Variants in SLC12A7 observed in about 807,000 individuals in gnomAD.
The protein encoded by SLC12A7 is solute carrier family 12 member 7, also known as K-Cl cotransporter 4.
A neutral mutation model predicts 120.6 loss-of-function variants in SLC12A7; 100 were observed. The ratio of observed to expected loss-of-function variants is 0.83; its 90% confidence interval spans 0.71 to 0.98. SLC12A7 has a LOEUF of 0.98. SLC12A7 is among the 50% of genes least tolerant of loss of function. SLC12A7 has a pLI of 0.00. For synonymous variants in SLC12A7, 760 were observed against 678.0 expected (o/e 1.12, Z -1.88); for missense variants, 1,373 against 1,548.1 (o/e 0.89, Z 1.90).
the SLC12A7 span, among the ~76,000 whole-genome samples, chr5:1,120,793 G>A: frequency 3.9e-3 from 598 of 152,234 alleles, 6 homozygotes; most frequent in African/African-American, 0.014. Context: ...TCGGCATGAT[G>A]CTGTCTACGT....
chr5:1,095,967 C>T (rs992251280), intron 1 of SLC12A7, among the ~76,000 whole-genome samples: 2 of 152,148 alleles, frequency 1.3e-5, no homozygotes, highest in Admixed American at 6.5e-5. Flanking sequence ...AGCAGCGGCC[C>T]CACCCCTCAA....
chr5:1,093,789 G>C, intron 2 of SLC12A7, 134 bp from the exon 3 acceptor site: 1 of 1,340,470 alleles, frequency 7.5e-7, no homozygotes, highest in Non-Finnish European at 1.0e-6. Flanking sequence ...AAGCCAGAGA[G>C]GCCTGGACAC....
rs771075055 is a variant in SLC12A7, at chr5:1,075,374, C to T, written c.1964G>A (p.Arg655His). ...AGCIYKYIEY[R>H]GAEKEWGDGI... ...AAGGGGGGCTGACAGCGCTTACCCG[C>T]GGTACTCGATGTACTTGTAGATGCA... Residue 655 changes from arginine to histidine, a missense_variant, in exon 15 of 24, where the codon CGC (arginine) becomes CAC (histidine). Arg to His is a conservative substitution (Grantham distance 29). Coordinates refer to ENST00000264930, the MANE Select transcript of SLC12A7 (RefSeq NM_006598.3). 5.0e-6 allele frequency: 8 copies of T among 1,610,636 alleles called. No individual in the cohort carries two copies. The highest frequency in any genetic ancestry group is 3.3e-4 in the Middle Eastern group (2 of 6,054).
chr5:1,073,508 G>A, intron 17 of SLC12A7, 125 bp downstream of exon 17: 1 of 1,117,864 alleles, frequency 8.9e-7, no homozygotes, highest in Non-Finnish European at 1.2e-6. Flanking sequence ...CACCGCCACG[G>A]CTAAAACACA....
rs1458496143 is a variant in SLC12A7, at chr5:1,093,524, T to C, written c.342+9A>G. The stretch of plus-strand genomic sequence containing the variant: ...GGGGACTGGGCGGGCACGGGCAGGG[T>C]GGCAGTACCTTGGCCTCCCGCCGCC... On this transcript the variant is annotated intron_variant, in intron 3 of 23. Transcript: ENST00000264930. The C allele has an allele frequency of 7.6e-7, 1 of 1,312,226 alleles. No homozygotes were observed. The highest frequency in any genetic ancestry group is 2.6e-5 in the East Asian group (1 of 37,838). 81.3% of individuals were successfully genotyped at this position (1,312,226 alleles called of 1,614,324 possible). A position where few individuals can be genotyped will look rare whatever the true frequency, so the allele number is the denominator to read the frequency against.
In SLC12A7 at chr5:1,074,681, A is replaced by G. The variant is rs754949950; in HGVS notation, c.1968-10T>C. ...CCACTCCTTCTCGGCCCTGTGGGAAAGGAAGTCGGGGTTTGTCCAGCCGCG... is the reference window on the plus strand; with the variant it reads ...CCACTCCTTCTCGGCCCTGTGGGAAGGGAAGTCGGGGTTTGTCCAGCCGCG... On this transcript the variant is annotated splice_polypyrimidine_tract_variant and intron_variant, in intron 15 of 23. Transcript: ENST00000264930. 3.1e-6 allele frequency: 5 copies of G among 1,611,758 alleles called. No homozygotes were observed. The African/African-American group carries it at 5.3e-5, about 17-fold the overall frequency.
the SLC12A7 span, among the ~76,000 whole-genome samples, chr5:1,143,151 G>A: frequency 6.6e-6 from 1 of 152,322 alleles, no homozygotes; most frequent in South Asian, 2.1e-4. Context: ...GCAGCTCAAG[G>A]ATCACCTGCG....
Position 1,085,387 on chromosome 5 carries a change from G to A in SLC12A7, c.762C>T (p.Tyr254=), listed in dbSNP as rs115061051. 4.1e-3 allele frequency: 6,629 copies of A among 1,611,690 alleles called. 31 individuals are homozygous for A. The highest frequency in any genetic ancestry group is 4.4e-3 in the Non-Finnish European group (5,191 of 1,179,512). ...AAAMLHNMRV[Y]GTCTLVLMAL... ...CCATGAGCACGAGCGTGCACGTGCC[G>A]TACACACGCATGTTGTGCAGCATGG... Residue 254 remains tyrosine, a synonymous_variant, in exon 7 of 24, where the codon TAC becomes TAT. Transcript: ENST00000264930.
At chr5:1,106,641 C>T (rs1165449194) in intron 1 of SLC12A7, among the ~76,000 whole-genome samples, 2 of 152,122 alleles carry the variant, frequency 1.3e-5, no homozygotes, top group African/African-American at 2.4e-5. Context: ...AGCGGTGCCA[C>T]GTCGGGATGT....
chr5:1,092,627 C>T (rs1291510938), intron 3 of SLC12A7, among the ~76,000 whole-genome samples: 1 of 152,132 alleles, frequency 6.6e-6, no homozygotes, highest in Non-Finnish European at 1.5e-5. Flanking sequence ...GGCACAGGCT[C>T]GGGGCTGACT....
chr5:1,057,622 C>A lies in SLC12A7; in HGVS notation c.2875G>T (p.Ala959Ser). The A allele has an allele frequency of 6.2e-7, 1 of 1,603,324 alleles. No individual in the cohort carries two copies. The highest frequency in any genetic ancestry group is 8.5e-7 in the Non-Finnish European group (1 of 1,179,530). The change falls in exon 22 of 24, where the codon GCG (alanine) becomes TCG (serine). Residue 959 changes from alanine to serine, a missense_variant. Coordinates refer to ENST00000264930, the MANE Select transcript of SLC12A7 (RefSeq NM_006598.3). ...CTGGCTGCCGCCGCGGTGTGGGACGCGGTGTTCCTGTCGTGGATCAGCTGG... is the reference window on the plus strand; with the variant it reads ...CTGGCTGCCGCCGCGGTGTGGGACGAGGTGTTCCTGTCGTGGATCAGCTGG... ...EAQLIHDRNTASHTAAAARTQ... is the reference protein window; with the variant it reads ...EAQLIHDRNTSSHTAAAARTQ...
At chr5:1,079,940 C>T (rs1738818931) in intron 9 of SLC12A7, among the ~76,000 whole-genome samples, 1 of 152,244 alleles carries the variant, frequency 6.6e-6, no homozygotes, top group Non-Finnish European at 1.5e-5. Context: ...CGCTGTGGCA[C>T]CACCTTGCTC....
chr5:1,061,666 C>T (rs1736299605), intron 20 of SLC12A7, among the ~76,000 whole-genome samples: 1 of 152,210 alleles, frequency 6.6e-6, no homozygotes, highest in African/African-American at 2.4e-5. Context: ...AACAGCACAC[C>T]AGATCAGGTG....
At chr5:1,078,325 C>T (rs1344608661) in intron 11 of SLC12A7, among the ~76,000 whole-genome samples, 2 of 152,142 alleles carry the variant, frequency 1.3e-5, no homozygotes, top group African/African-American at 2.4e-5. Flanking sequence ...GGCTGCCAGA[C>T]ACGCACACCC....
At chr5:1,057,673 G>A (rs756943717) in intron 21 of SLC12A7, 24 bp from the exon 22 acceptor site, 1 of 1,576,468 alleles carries the variant, frequency 6.3e-7, no homozygotes, top group Non-Finnish European at 8.5e-7. Flanking sequence ...GACTTGGTGA[G>A]ACCAGCCGGT....
At chr5:1,076,849 AC>A in intron 12 of SLC12A7, 37 bp from the exon 13 acceptor site, 2 of 1,394,028 alleles carry the variant, frequency 1.4e-6, no homozygotes, top group Non-Finnish European at 2.0e-6. Context: ...GGCAGATGAC[AC>A]CACCCTTTTA....
the SLC12A7 span, among the ~76,000 whole-genome samples, chr5:1,123,160 C>T: frequency 1.3e-5 from 2 of 152,244 alleles, no homozygotes; most frequent in Non-Finnish European, 2.9e-5. Flanking sequence ...CCTATTTTTA[C>T]ACTTGGCTCA....
the SLC12A7 span, among the ~76,000 whole-genome samples, chr5:1,127,739 GC>G: frequency 1.8e-4 from 27 of 152,238 alleles, 1 homozygote; most frequent in South Asian, 1.2e-3. Flanking sequence ...ATTTAACTTT[GC>G]CCCCCTCCTG....
intron 13 of SLC12A7, 92 bp from the exon 14 acceptor site, chr5:1,076,328 C>G: frequency 9.9e-7 from 1 of 1,007,900 alleles, no homozygotes; most frequent in Non-Finnish European, 1.5e-6. Context: ...GTCACTGTCC[C>G]TCCCACCTGC....
Sources: gnomAD v4.1 joint callset for allele counts (sites outside exome capture counted in the v4.1 genomes callset) on GRCh38, gnomAD v4.1.1 for gene constraint, MANE v1.5 for transcripts, NCBI Gene and HGNC (gene_info 2026-07-23, HGNC 2026-07-21) for gene names.